The following SYTL3 variants were observed in gnomAD, a reference collection of about 807,000 sequenced individuals.
SYTL3 encodes the protein synaptotagmin like 3.
Under a neutral mutation model 82.1 loss-of-function variants are expected in SYTL3, and 88 were observed. That is an observed-to-expected ratio of 1.07 (90% CI 0.90 to 1.28). SYTL3 has a LOEUF of 1.28. Among genes scored for constraint, SYTL3 ranks in the 50% most tolerant of loss-of-function variants. The pLI is 0.00. For missense variants in SYTL3, 831 were observed against 757.6 expected (o/e 1.10, Z -1.14); for synonymous variants, 311 against 289.4 (o/e 1.07, Z -0.76).
chr6:158,750,148 A>G (rs1788213466), intron 12 of SYTL3, among the ~76,000 whole-genome samples: 3 of 152,258 alleles, frequency 2.0e-5, no homozygotes, highest in Non-Finnish European at 4.4e-5. Flanking sequence ...TTATGGAAGA[A>G]TGTATACAGA....
At chr6:158,700,274 CAAAT>C (rs980983421) in intron 6 of SYTL3, among the ~76,000 whole-genome samples, 20 of 151,932 alleles carry the variant, frequency 1.3e-4, no homozygotes, top group African/African-American at 4.6e-4. Context: ...AATAAATAAA[CAAAT>C]AAACAAAACA....
At chr6:158,756,719 AT>A (rs758259824) in intron 13 of SYTL3, among the ~76,000 whole-genome samples, 149 of 48,578 alleles carry the variant, frequency 3.1e-3, no homozygotes, top group Non-Finnish European at 4.1e-3. Flanking sequence ...TCAAAAAAAA[AT>A]TTTTTTTTTT....
Position 158,764,514 on chromosome 6 carries a change from C to CG in SYTL3, c.1747dup (p.Asp583GlyfsTer31). On this transcript the variant is annotated frameshift_variant, in exon 18 of 18. Transcript: ENST00000611299. LOFTEE classifies it high-confidence loss of function. ...TTACAGAGGGAGACACAGCTGTTGG[C>CG]GGGGATGCATGCTCACTATCGAAGC... 6.2e-7 allele frequency: 1 copy of CG among 1,613,698 alleles called. No individual in the cohort carries two copies. The highest frequency in any genetic ancestry group is 8.5e-7 in the Non-Finnish European group (1 of 1,179,776).
chr6:158,677,061 T>C (rs1165344213), intron 5 of SYTL3, among the ~76,000 whole-genome samples: 1 of 152,188 alleles, frequency 6.6e-6, no homozygotes, highest in African/African-American at 2.4e-5. Flanking sequence ...ACTGGATATA[T>C]ACCCAAAGGA....
chr6:158,763,295 C>T lies in SYTL3; in HGVS notation c.1518-9C>T, dbSNP rs1790248309. Reference sequence around the variant, plus strand: ...GGCAATGATTGCAGGGTTTGTGTTCCCTCTTCAGCTGTCTCACTCTGCCAG... The same window carrying T: ...GGCAATGATTGCAGGGTTTGTGTTCTCTCTTCAGCTGTCTCACTCTGCCAG... On this transcript the variant is annotated splice_polypyrimidine_tract_variant and intron_variant, in intron 16 of 17. Transcript: ENST00000611299. 13 of 1,613,920 alleles carry T rather than the reference C, an allele frequency of 8.1e-6. 1 individual carries two copies. The East Asian group carries it at 2.7e-4, about 33-fold the overall frequency.
At chr6:158,700,932 A>C (rs1390864150) in intron 6 of SYTL3, among the ~76,000 whole-genome samples, 1 of 152,148 alleles carries the variant, frequency 6.6e-6, no homozygotes, top group Non-Finnish European at 1.5e-5. Flanking sequence ...ATTTATAAGC[A>C]CCACCTCTTA....
At chr6:158,706,601 C>T (rs905301250) in intron 6 of SYTL3, among the ~76,000 whole-genome samples, 2 of 152,178 alleles carry the variant, frequency 1.3e-5, no homozygotes, top group Non-Finnish European at 2.9e-5. Flanking sequence ...TGGACGAGGA[C>T]TGGTCTCTTC....
chr6:158,653,843 G>A (rs147513793), intron 2 of SYTL3, among the ~76,000 whole-genome samples: 41 of 152,294 alleles, frequency 2.7e-4, no homozygotes, highest in African/African-American at 7.9e-4. Flanking sequence ...CGTTTCCCCC[G>A]TACCAGGGAG....
At chr6:158,759,049 C>A (rs918239758) in intron 14 of SYTL3, among the ~76,000 whole-genome samples, 1 of 152,194 alleles carries the variant, frequency 6.6e-6, no homozygotes, top group Non-Finnish European at 1.5e-5. Context: ...CTCCTTCTGT[C>A]CGAGGCTGAA....
Position 158,708,404 on chromosome 6 carries a change from T to G in SYTL3, c.516+13T>G. ...CAGTCCTGGCAGGGTAACGTATCCA[T>G]TCTGGGCACTTCTCTAGTAGGGGTC... On this transcript the variant is annotated intron_variant, in intron 8 of 17. Transcript: ENST00000611299. 6.2e-7 allele frequency: 1 copy of G among 1,612,044 alleles called. No individual in the cohort carries two copies. The highest frequency in any genetic ancestry group is 8.5e-7 in the Non-Finnish European group (1 of 1,178,144).
At chr6:158,676,407 A>G (rs1486240235) in intron 5 of SYTL3, among the ~76,000 whole-genome samples, 1 of 152,162 alleles carries the variant, frequency 6.6e-6, no homozygotes, top group East Asian at 1.9e-4. Context: ...AATTAATTCA[A>G]CATGGATTAA....
At chr6:158,745,750 T>A (rs1249517426) in intron 12 of SYTL3, 92 bp downstream of exon 12, 51 of 800,026 alleles carry the variant, frequency 6.4e-5, no homozygotes, top group South Asian at 1.4e-4. Context: ...AGACAATTAT[T>A]AAAAAAAAAA....
Position 158,663,226 on chromosome 6 carries a change from C to T in SYTL3, c.-43C>T, listed in dbSNP as rs1159338767. ...GCAGGGCGTGAGCGCTTGGTCCATG[C>T]AGTGAAGCTCTTCCAACCTGGGTCA... On this transcript the variant is annotated 5_prime_UTR_variant, in exon 4 of 18. It introduces an in-frame stop codon into an upstream open reading frame of the 5' UTR. Transcript: ENST00000611299. The T allele has an allele frequency of 2.5e-6, 4 of 1,583,278 alleles. No individual in the cohort carries two copies. Among genetic ancestry groups the T allele is most frequent in the South Asian group, 1.1e-5 (1 of 90,308 alleles).
chr6:158,723,163 C>A (rs1323360512), intron 10 of SYTL3, among the ~76,000 whole-genome samples: 1 of 137,518 alleles, frequency 7.3e-6, no homozygotes, highest in South Asian at 2.3e-4. Flanking sequence ...GTCATGATCT[C>A]GACTCACTGC....
chr6:158,754,326 C>T (rs1346698514), intron 13 of SYTL3, among the ~76,000 whole-genome samples: 2 of 152,164 alleles, frequency 1.3e-5, no homozygotes, highest in African/African-American at 4.8e-5. Flanking sequence ...TGGTCATTGC[C>T]TGGCCCTGCT....
At chr6:158,693,855 C>CTTTTCTTTT (rs71030191) in intron 6 of SYTL3, among the ~76,000 whole-genome samples, 4 of 96,866 alleles carry the variant, frequency 4.1e-5, no homozygotes, top group African/African-American at 2.2e-4. Context: ...TTTTTCTTTT[C>CTTTTCTTTT]TTTTTTTTTT....
intron 12 of SYTL3, among the ~76,000 whole-genome samples, chr6:158,749,505 CTCTTTTTTTTT>C (rs1402162238): frequency 6.4e-5 from 6 of 94,316 alleles, no homozygotes; most frequent in African/African-American, 2.0e-4. Context: ...TTTTCTTTCT[CTCTTTTTTTTT>C]TTTTTTTTTT....
chr6:158,715,175 G>A (rs1201591611), intron 9 of SYTL3, among the ~76,000 whole-genome samples: 3 of 152,136 alleles, frequency 2.0e-5, no homozygotes, highest in Non-Finnish European at 2.9e-5. Context: ...TCATGTATGG[G>A]TGGGTGCTAG....
At chr6:158,679,164 G>A (rs1778379589) in intron 5 of SYTL3, among the ~76,000 whole-genome samples, 1 of 152,132 alleles carries the variant, frequency 6.6e-6, no homozygotes, top group Non-Finnish European at 1.5e-5. Flanking sequence ...GAGGCCAGGA[G>A]TTCAAGACCA....
Sources: allele counts gnomAD v4.1 joint callset (sites outside exome capture counted in the v4.1 genomes callset), GRCh38; gene constraint gnomAD v4.1.1; transcripts MANE v1.5; gene names NCBI Gene and HGNC (gene_info 2026-07-23, HGNC 2026-07-21).